JAZF1: variants seen among roughly 807,000 people sequenced by gnomAD.
The protein encoded by JAZF1 is JAZF zinc finger 1.
In JAZF1, 8 loss-of-function variants were observed where a neutral mutation model predicts 26.4. The observed-to-expected ratio is 0.30, with a 90% CI of 0.18 to 0.55. The LOEUF is 0.55. Among genes scored for constraint, JAZF1 ranks in the 20% least tolerant of loss-of-function variants. The pLI is 0.94. For missense variants in JAZF1, 199 were observed against 322.0 expected (o/e 0.62, Z 2.92); for synonymous variants, 126 against 122.3 (o/e 1.03, Z -0.20).
chr7:28,089,994 C>G (rs12673479), intron 1 of JAZF1, among the ~76,000 whole-genome samples: 6,072 of 152,210 alleles, frequency 0.04, 337 homozygotes, highest in East Asian at 0.28. Flanking sequence ...TTCAAAAGTC[C>G]ATGTAAGATT....
At chr7:27,927,221 C>T (rs889414964) in intron 2 of JAZF1, among the ~76,000 whole-genome samples, 21 of 152,204 alleles carry the variant, frequency 1.4e-4, no homozygotes, top group African/African-American at 4.3e-4. Flanking sequence ...GGCTCCAGCA[C>T]TCTCGTGCTC....
At chr7:27,901,703 C>T (rs1260608177) in intron 2 of JAZF1, among the ~76,000 whole-genome samples, 1 of 152,192 alleles carries the variant, frequency 6.6e-6, no homozygotes, top group Non-Finnish European at 1.5e-5. Flanking sequence ...GAGGCCTGCA[C>T]TGCATGTCGC....
At chr7:27,993,670 A>C (rs1785952561) in intron 1 of JAZF1, among the ~76,000 whole-genome samples, 1 of 152,166 alleles carries the variant, frequency 6.6e-6, no homozygotes, top group Non-Finnish European at 1.5e-5. Flanking sequence ...ACGAGGTAAG[A>C]AACAAGAAAT....
At chr7:27,990,398 C>T (rs942080883) in intron 2 of JAZF1, among the ~76,000 whole-genome samples, 11 of 150,490 alleles carry the variant, frequency 7.3e-5, no homozygotes, top group Non-Finnish European at 1.0e-4. Context: ...CAAACCTGCA[C>T]GTTGTGCACA....
intron 2 of JAZF1, among the ~76,000 whole-genome samples, chr7:27,913,160 T>C (rs1173898709): frequency 1.3e-5 from 2 of 151,818 alleles, no homozygotes; most frequent in South Asian, 2.1e-4. Context: ...TTAGGCCTTA[T>C]GGGACCAAAG....
intron 1 of JAZF1, among the ~76,000 whole-genome samples, chr7:28,125,884 A>G (rs1782684968): frequency 6.6e-6 from 1 of 152,220 alleles, no homozygotes; most frequent in African/African-American, 2.4e-5. Flanking sequence ...TTTTCAGCTT[A>G]GAATTCCATC....
At chr7:28,023,671 C>G (rs748389960) in intron 1 of JAZF1, among the ~76,000 whole-genome samples, 1 of 152,156 alleles carries the variant, frequency 6.6e-6, no homozygotes, top group Non-Finnish European at 1.5e-5. Flanking sequence ...TTTTAGAATG[C>G]GTGTTAATGA....
At chr7:27,978,688 C>T (rs547487285) in intron 2 of JAZF1, among the ~76,000 whole-genome samples, 1 of 152,236 alleles carries the variant, frequency 6.6e-6, no homozygotes, top group South Asian at 2.1e-4. Flanking sequence ...AAAAAGTGCT[C>T]TGGAATCAGG....
intron 1 of JAZF1, among the ~76,000 whole-genome samples, chr7:28,030,536 G>T (rs976669900): frequency 6.6e-6 from 1 of 152,084 alleles, no homozygotes; most frequent in Non-Finnish European, 1.5e-5. Flanking sequence ...AGGGCTGTTC[G>T]TCCTTTCAAG....
chr7:27,875,259 G>A (rs998852903), intron 3 of JAZF1, among the ~76,000 whole-genome samples: 3 of 151,940 alleles, frequency 2.0e-5, no homozygotes, highest in East Asian at 1.9e-4. Flanking sequence ...AAAACATTCC[G>A]AGTTCATCCG....
rs146812501 is a variant in JAZF1, at chr7:27,930,286, T to C, written c.189-34870A>G. ...CTGGGATTACAGGCATGAGCCACCG[T>C]GCCCGGCCAATTTTCTGCATTTTCT... On this transcript the variant is annotated intron_variant, in intron 2 of 4. Coordinates refer to ENST00000283928, the MANE Select transcript of JAZF1 (RefSeq NM_175061.4). Among the ~76,000 whole-genome samples, 444 of 152,316 alleles carry C rather than the reference T, an allele frequency of 2.9e-3. 2 individuals are homozygous for C. The highest frequency in any genetic ancestry group is 0.014 in the Middle Eastern group (4 of 294).
intron 1 of JAZF1, among the ~76,000 whole-genome samples, chr7:28,121,006 C>G (rs889317270): frequency 6.6e-6 from 1 of 151,904 alleles, no homozygotes; most frequent in African/African-American, 2.4e-5. Flanking sequence ...TCAAGACCAG[C>G]CTGGACAACA....
chr7:27,988,527 T>A (rs900859791), intron 2 of JAZF1, among the ~76,000 whole-genome samples: 1 of 151,996 alleles, frequency 6.6e-6, no homozygotes, highest in Non-Finnish European at 1.5e-5. Flanking sequence ...AGGTGTACAC[T>A]ACCAAACCTG....
At chr7:28,041,397 G>A (rs1783388254) in intron 1 of JAZF1, among the ~76,000 whole-genome samples, 1 of 151,326 alleles carries the variant, frequency 6.6e-6, no homozygotes. Context: ...TTTGGTATAA[G>A]CTATTTTTTA....
intron 3 of JAZF1, among the ~76,000 whole-genome samples, chr7:27,878,449 T>C (rs1159397337): frequency 6.6e-6 from 1 of 152,248 alleles, no homozygotes; most frequent in Non-Finnish European, 1.5e-5. Context: ...TTTCTGTTTT[T>C]TTCTTGTCTT....
At chr7:28,047,613 T>C (rs997136496) in intron 1 of JAZF1, among the ~76,000 whole-genome samples, 4 of 152,300 alleles carry the variant, frequency 2.6e-5, no homozygotes, top group East Asian at 1.9e-4. Context: ...ATACTATATA[T>C]ATGGTTACTG....
intron 2 of JAZF1, among the ~76,000 whole-genome samples, chr7:27,978,923 GGA>G (rs974052558): frequency 7.3e-5 from 11 of 151,034 alleles, no homozygotes; most frequent in African/African-American, 2.4e-4. Flanking sequence ...GGGGAGAGGG[GGA>G]GAGAGAGAGG....
chr7:27,884,026 G>A lies in JAZF1; in HGVS notation c.385+11194C>T, dbSNP rs75075652. Among the ~76,000 whole-genome samples, 1,276 of 152,330 alleles carry A rather than the reference G, an allele frequency of 8.4e-3. 16 individuals carry two copies. The highest frequency in any genetic ancestry group is 0.028 in the African/African-American group (1,162 of 41,550). On this transcript the variant is annotated intron_variant, in intron 3 of 4. Coordinates refer to ENST00000283928, the MANE Select transcript of JAZF1 (RefSeq NM_175061.4). ...ATGAATTGTTTATAAGAGCGGAAAT[G>A]CTATTTGCTAGTTCAAAGAGTGACT...
chr7:27,934,084 C>T (rs1029862665), intron 2 of JAZF1, among the ~76,000 whole-genome samples: 1 of 152,154 alleles, frequency 6.6e-6, no homozygotes, highest in African/African-American at 2.4e-5. Flanking sequence ...TGGAAATGAT[C>T]ATTAATTCCA....
Sources: gnomAD v4.1 joint callset for allele counts (sites outside exome capture counted in the v4.1 genomes callset) on GRCh38, gnomAD v4.1.1 for gene constraint, MANE v1.5 for transcripts, NCBI Gene and HGNC (gene_info 2026-07-23, HGNC 2026-07-21) for gene names.